METTL16: variants seen among roughly 807,000 people sequenced by gnomAD.
METTL16 encodes RNA N(6)-adenosine-methyltransferase METTL16.
METTL16 carries 19 observed loss-of-function variants against 57.9 expected under a neutral mutation model. That is an observed-to-expected ratio of 0.33 (90% confidence interval 0.23 to 0.48). The LOEUF (loss-of-function observed/expected upper bound fraction) is 0.48. Among genes scored for constraint, METTL16 ranks in the 20% least tolerant of loss-of-function variants. METTL16 has a pLI of 0.99. For missense variants in METTL16, 434 were observed against 691.5 expected, an observed-to-expected ratio of 0.63 and a Z score of 4.18; for synonymous variants, 246 against 255.6, an observed-to-expected ratio of 0.96 and a Z score of 0.36.
intron 3 of METTL16, among the ~76,000 whole-genome samples, chr17:2,474,724 G>A (rs778139075): frequency 7.9e-5 from 12 of 152,184 alleles, no homozygotes; most frequent in African/African-American, 2.2e-4. Context: ...TCAGGAGTTC[G>A]AGGCCTGCCT....
intron 8 of METTL16, among the ~76,000 whole-genome samples, chr17:2,426,258 T>A (rs1365187148): frequency 1.3e-5 from 2 of 152,092 alleles, no homozygotes; most frequent in African/African-American, 4.8e-5. Context: ...GGAGTTACAA[T>A]GTTGCCCAGG....
intron 8 of METTL16, among the ~76,000 whole-genome samples, chr17:2,425,484 G>GT (rs1225529482): frequency 6.6e-6 from 1 of 152,170 alleles, no homozygotes; most frequent in African/African-American, 2.4e-5. Context: ...GTGAGCAGTC[G>GT]TAGGTCTGCA....
At chr17:2,489,553 C>T (rs550258690) in intron 2 of METTL16, among the ~76,000 whole-genome samples, 5 of 151,420 alleles carry the variant, frequency 3.3e-5, no homozygotes, top group South Asian at 4.2e-4. Flanking sequence ...TTAATAGAGA[C>T]GGTGAAATCC....
chr17:2,463,018 G>A (rs2067161634), intron 6 of METTL16, among the ~76,000 whole-genome samples: 1 of 152,144 alleles, frequency 6.6e-6, no homozygotes, highest in African/African-American at 2.4e-5. Flanking sequence ...CTCTTTTTGA[G>A]TACCTTATGT....
At chr17:2,466,203 A>ACC (rs2067194848) in intron 5 of METTL16, among the ~76,000 whole-genome samples, 11 of 150,018 alleles carry the variant, frequency 7.3e-5, no homozygotes, top group South Asian at 2.1e-4. Flanking sequence ...CAAAAAAAAA[A>ACC]AAAAAAAAAG....
intron 6 of METTL16, among the ~76,000 whole-genome samples, chr17:2,454,560 A>ATTTTTTT (rs1476498879): frequency 7.2e-6 from 1 of 139,028 alleles, no homozygotes; most frequent in African/African-American, 2.7e-5. Flanking sequence ...TATTATTATT[A>ATTTTTTT]TTATTTTTTT....
At chr17:2,447,857 G>A (rs1204630015) in intron 6 of METTL16, among the ~76,000 whole-genome samples, 1 of 96,246 alleles carries the variant, frequency 1.0e-5, no homozygotes, top group Non-Finnish European at 1.9e-5. Context: ...GAGGTGGGGG[G>A]TCAGCCCTCC....
chr17:2,504,451 A>G (rs1483549296), intron 1 of METTL16, among the ~76,000 whole-genome samples: 1 of 152,228 alleles, frequency 6.6e-6, no homozygotes, highest in Non-Finnish European at 1.5e-5. Flanking sequence ...CAAGGGAAGA[A>G]AGCTGAAAAG....
chr17:2,485,213 T>C (rs981106393), intron 2 of METTL16, among the ~76,000 whole-genome samples: 1 of 152,190 alleles, frequency 6.6e-6, no homozygotes, highest in African/African-American at 2.4e-5. Context: ...GGATCTAGGT[T>C]GAGCACTCCT....
At chr17:2,462,556 G>C (rs533518717) in intron 6 of METTL16, among the ~76,000 whole-genome samples, 1 of 152,266 alleles carries the variant, frequency 6.6e-6, no homozygotes, top group East Asian at 1.9e-4. Context: ...CCTGAGGGCA[G>C]ATTTCCCCTT....
intron 6 of METTL16, among the ~76,000 whole-genome samples, chr17:2,454,260 A>C (rs1336239070): frequency 6.6e-6 from 1 of 152,150 alleles, no homozygotes; most frequent in Non-Finnish European, 1.5e-5. Flanking sequence ...TAAAAACTCA[A>C]GTGAAGTATA....
chr17:2,447,386 G>A (rs369908379), intron 6 of METTL16, among the ~76,000 whole-genome samples: 7,191 of 94,552 alleles, frequency 0.076, 1 homozygote, highest in African/African-American at 0.13. Context: ...CCGTCCAGCA[G>A]CCACCCCGTC....
At chr17:2,480,930 C>A (rs375416195) in intron 2 of METTL16, among the ~76,000 whole-genome samples, 1 of 152,094 alleles carries the variant, frequency 6.6e-6, no homozygotes, top group Admixed American at 6.6e-5. Flanking sequence ...GGGCTGGGCA[C>A]GGCAGCTCAC....
intron 8 of METTL16, chr17:2,436,814 G>A (rs2066911802): frequency 1.3e-5 from 2 of 151,740 alleles, no homozygotes; most frequent in South Asian, 2.1e-4. Context: ...CCAGCTCAGA[G>A]GTGGTTTTCC....
intron 1 of METTL16, among the ~76,000 whole-genome samples, chr17:2,503,468 A>C (rs1041971073): frequency 6.6e-6 from 1 of 152,190 alleles, no homozygotes; most frequent in Non-Finnish European, 1.5e-5. Context: ...TCCATACAAT[A>C]AATATGGGTC....
At chr17:2,508,479 A>G (rs945263055) in intron 1 of METTL16, among the ~76,000 whole-genome samples, 4 of 152,158 alleles carry the variant, frequency 2.6e-5, no homozygotes, top group Admixed American at 6.6e-5. Context: ...CTTGTGATAA[A>G]CACATCAAAA....
intron 4 of METTL16, among the ~76,000 whole-genome samples, chr17:2,472,119 A>AC (rs2067239466): frequency 6.6e-6 from 1 of 152,134 alleles, no homozygotes; most frequent in African/African-American, 2.4e-5. Flanking sequence ...AGTCTCAAAA[A>AC]AAAAAAAAGG....
chr17:2,445,349 C>T (rs1597446768), intron 6 of METTL16, among the ~76,000 whole-genome samples: 1 of 152,064 alleles, frequency 6.6e-6, no homozygotes, highest in Non-Finnish European at 1.5e-5. Flanking sequence ...ATAGCATTCA[C>T]ACAATAACAA....
At chr17:2,428,980 T>C (rs2066848122) in intron 8 of METTL16, among the ~76,000 whole-genome samples, 2 of 152,154 alleles carry the variant, frequency 1.3e-5, no homozygotes, top group Admixed American at 1.3e-4. Context: ...CGCCTCAGCC[T>C]CCCGAGTAGC....
Sources: allele counts gnomAD v4.1 joint callset (sites outside exome capture counted in the v4.1 genomes callset), GRCh38; gene constraint gnomAD v4.1.1; transcripts MANE v1.5; gene names NCBI Gene and HGNC (gene_info 2026-07-23, HGNC 2026-07-21).